KLB: variants seen among roughly 807,000 people sequenced by gnomAD.
The protein encoded by KLB is klotho beta.
Under a neutral mutation model 88.4 loss-of-function variants are expected in KLB, and 44 were observed. The ratio of observed to expected loss-of-function variants is 0.50; its 90% CI spans 0.39 to 0.64. The LOEUF (loss-of-function observed/expected upper bound fraction) is 0.64. KLB is among the 30% of genes least tolerant of loss of function. KLB has a pLI of 0.00. For missense variants in KLB, 1,137 were observed against 1,304.8 expected (o/e 0.87, Z 1.98); for synonymous variants, 548 against 513.4 (o/e 1.07, Z -0.91).
chr4:39,422,220 A>T (rs1170329349), intron 1 of KLB, among the ~76,000 whole-genome samples: 1 of 152,212 alleles, frequency 6.6e-6, no homozygotes, highest in African/African-American at 2.4e-5. Flanking sequence ...AATGACAGTG[A>T]ACTAGGAAGG....
At chr4:39,422,941 AT>A (rs1400386069) in intron 1 of KLB, among the ~76,000 whole-genome samples, 1 of 151,678 alleles carries the variant, frequency 6.6e-6, no homozygotes, top group African/African-American at 2.4e-5. Context: ...TAATTTTTGT[AT>A]TCTTAGTAGA....
chr4:39,426,056 T>G (rs973977644), intron 1 of KLB, among the ~76,000 whole-genome samples: 1 of 151,928 alleles, frequency 6.6e-6, no homozygotes, highest in Admixed American at 6.6e-5. Flanking sequence ...ATTGAGACCA[T>G]CCTGGCTAAC....
intron 4 of KLB, 143 bp downstream of exon 4, chr4:39,447,618 A>T (rs1743787243): frequency 3.1e-6 from 2 of 654,820 alleles, no homozygotes; most frequent in East Asian, 6.2e-5. Context: ...TGTCCTGAAA[A>T]CTGGCCTATG....
chr4:39,447,657 AAAGT>A (rs1743788516), intron 4 of KLB, among the ~76,000 whole-genome samples, 182 bp downstream of exon 4: 1 of 152,228 alleles, frequency 6.6e-6, no homozygotes, highest in Non-Finnish European at 1.5e-5. Context: ...TAAAATCATA[AAAGT>A]AACACACACC....
rs746178990 is a variant in KLB at position 39,448,606 on chromosome 4, A to T, written c.3055A>T (p.Arg1019Trp). 1 of 1,614,110 alleles carries T rather than the reference A, an allele frequency of 6.2e-7. No homozygotes were observed. Among genetic ancestry groups the T allele is most frequent in the East Asian group, 2.2e-5 (1 of 44,880 alleles). Residue 1019 changes from arginine to tryptophan, a missense_variant, in exon 5 of 5, where the codon AGG becomes TGG. Arg to Trp is a moderately radical substitution (Grantham distance 101, BLOSUM62 -3). Around this residue, in one of 4 missense-constraint regions of KLB, gnomAD observed 426 missense variants for 404.6 expected, o/e 1.05. Transcript: ENST00000257408. Reference sequence around the variant, plus strand: ...ACTCTTATCAATTGCCATTTTTCAAAGGCAGAAGAGAAGAAAGTTTTGGAA... The same window carrying T: ...ACTCTTATCAATTGCCATTTTTCAATGGCAGAAGAGAAGAAAGTTTTGGAA... ...VLLLSIAIFQ[R>W]QKRRKFWKAK...
Position 39,447,226 on chromosome 4 carries a change from GAGC to G in KLB, c.2504_2506del (p.Gln835del). 2 of 1,614,072 alleles carry G rather than the reference GAGC, an allele frequency of 1.2e-6. No homozygotes were observed. The highest frequency in any genetic ancestry group is 1.7e-6 in the Non-Finnish European group (2 of 1,180,046). Reference sequence around the variant, plus strand: ...CTTCACCACTAGGTTCGTGATGCACGAGCAGCTGGCCGGCAGCCGCTACGACTC... The same window carrying G: ...CTTCACCACTAGGTTCGTGATGCACGAGCTGGCCGGCAGCCGCTACGACTC... On this transcript the variant is annotated inframe_deletion, in exon 4 of 5. Transcript: ENST00000257408.
rs1407429954 is a variant in KLB at position 39,448,651 on chromosome 4, A to T, written c.3100A>T (p.Ile1034Leu). ...KFWKAKNLQH[I>L]PLKKGKRVVS Reference sequence around the variant, plus strand: ...TTGGAAAGCAAAAAACTTACAACACATACCATTAAAGAAAGGCAAGAGAGT... The same window carrying T: ...TTGGAAAGCAAAAAACTTACAACACTTACCATTAAAGAAAGGCAAGAGAGT... The change falls in exon 5 of 5, where the codon ATA (isoleucine) becomes TTA (leucine). Residue 1034 changes from isoleucine to leucine, a missense_variant. By Grantham distance (5) the Ile-to-Leu change is conservative. Coordinates refer to ENST00000257408, the MANE Select transcript of KLB (RefSeq NM_175737.4). The T allele has an allele frequency of 6.2e-7, 1 of 1,612,484 alleles. No individual in the cohort carries two copies. The highest frequency in any genetic ancestry group is 8.5e-7 in the Non-Finnish European group (1 of 1,179,942).
In KLB at chr4:39,437,896, C is replaced by T. The variant is rs1350211557; in HGVS notation, c.1506C>T (p.Ile502=). ...CTTCAGCACACTACTACAAACAGATCATACGAGAAAATGGTTTTTCTTTAA... is the reference window on the plus strand; with the variant it reads ...CTTCAGCACACTACTACAAACAGATTATACGAGAAAATGGTTTTTCTTTAA... The part of the protein sequence containing the change: ...PKSSAHYYKQ[I]IRENGFSLKE... Residue 502 remains isoleucine (I), a synonymous_variant, in exon 3 of 5, where the codon ATC becomes ATT. Coordinates refer to ENST00000257408, the MANE Select transcript of KLB (RefSeq NM_175737.4). The T allele has an allele frequency of 1.2e-6, 2 of 1,614,172 alleles. No individual in the cohort carries two copies. Among genetic ancestry groups the T allele is most frequent in the South Asian group, 1.1e-5 (1 of 91,074 alleles).
At chr4:39,448,038 T>C (rs1304638562) in intron 4 of KLB, among the ~76,000 whole-genome samples, 1 of 152,224 alleles carries the variant, frequency 6.6e-6, no homozygotes, top group Non-Finnish European at 1.5e-5. Context: ...GCTCTGCTCC[T>C]TAAATTTGCT....
chr4:39,442,613 T>G (rs1244654707), intron 3 of KLB, among the ~76,000 whole-genome samples: 2 of 152,140 alleles, frequency 1.3e-5, no homozygotes, highest in Non-Finnish European at 2.9e-5. Flanking sequence ...TTTTGTATTT[T>G]TAGTAGAGAC....
chr4:39,443,376 C>A (rs1170626749), intron 3 of KLB, among the ~76,000 whole-genome samples: 2 of 150,972 alleles, frequency 1.3e-5, no homozygotes, highest in African/African-American at 4.9e-5. Context: ...CTCCCTACTC[C>A]CCCCAAAAAA....
At chr4:39,436,476 C>A (rs893895261) in intron 2 of KLB, among the ~76,000 whole-genome samples, 1 of 152,154 alleles carries the variant, frequency 6.6e-6, no homozygotes, top group African/African-American at 2.4e-5. Context: ...CCTTAGGACC[C>A]TACAACAGCT....
At chr4:39,427,397 C>T (rs564687133) in intron 1 of KLB, among the ~76,000 whole-genome samples, 1 of 150,046 alleles carries the variant, frequency 6.7e-6, no homozygotes, top group South Asian at 2.1e-4. Flanking sequence ...GCAGAAGAAT[C>T]ACTTTAACCC....
chr4:39,435,139 A>T lies in KLB; in HGVS notation c.1336+419A>T, dbSNP rs145202132. Among the ~76,000 whole-genome samples, 560 of 149,612 alleles carry T rather than the reference A, an allele frequency of 3.7e-3. 2 individuals are homozygous for T. Among genetic ancestry groups the T allele is most frequent in the Non-Finnish European group, 6.2e-3 (418 of 67,554 alleles). Reference sequence around the variant, plus strand: ...TTGTATTGTCCAATATTTTTTTTTTAAATGGAGCCACTCTGTGGCCCAGGC... The same window carrying T: ...TTGTATTGTCCAATATTTTTTTTTTTAATGGAGCCACTCTGTGGCCCAGGC... On this transcript the variant is annotated intron_variant, in intron 2 of 4. Coordinates refer to ENST00000257408, the MANE Select transcript of KLB (RefSeq NM_175737.4).
At chr4:39,421,874 A>G (rs1743093927) in intron 1 of KLB, among the ~76,000 whole-genome samples, 1 of 152,130 alleles carries the variant, frequency 6.6e-6, no homozygotes. Context: ...CCTCCCAAGT[A>G]GCTGGGATAA....
Position 39,407,424 on chromosome 4 carries a change from T to C in KLB, c.475T>C (p.Phe159Leu). 1 of 1,614,158 alleles carries C rather than the reference T, an allele frequency of 6.2e-7. No individual in the cohort carries two copies. The part of the protein sequence containing the change: ...YQFSISWPRL[F>L]PDGIVTVANA... ...ATTTTCAATTTCCTGGCCAAGGCTT[T>C]TCCCCGATGGAATAGTAACAGTTGC... The change falls in exon 1 of 5, where the codon TTC (phenylalanine) becomes CTC (leucine). Residue 159 changes from phenylalanine (F) to leucine (L), a missense_variant. Physicochemically the swap from Phe to Leu is conservative, Grantham distance 22. This residue lies in a region of KLB where 597 missense variants were observed against 765.2 expected (regional missense o/e 0.78). Coordinates refer to ENST00000257408, the MANE Select transcript of KLB (RefSeq NM_175737.4).
chr4:39,419,831 C>T (rs557186163), intron 1 of KLB, among the ~76,000 whole-genome samples: 1 of 146,282 alleles, frequency 6.8e-6, no homozygotes, highest in Non-Finnish European at 1.5e-5. Flanking sequence ...ATAGTCCCAG[C>T]TGCTTAGGGG....
At chr4:39,424,727 G>A (rs1351196823) in intron 1 of KLB, among the ~76,000 whole-genome samples, 1 of 138,670 alleles carries the variant, frequency 7.2e-6, no homozygotes, top group East Asian at 2.2e-4. Context: ...TGCATCCCGG[G>A]TTCAAGCGAT....
chr4:39,442,722 T>C (rs1743639262), intron 3 of KLB, among the ~76,000 whole-genome samples: 1 of 152,158 alleles, frequency 6.6e-6, no homozygotes, highest in Non-Finnish European at 1.5e-5. Flanking sequence ...CGTGAACCAC[T>C]GCACCCGGCC....
Sources: gnomAD v4.1 joint callset for allele counts (sites outside exome capture counted in the v4.1 genomes callset) on GRCh38, gnomAD v4.1.1 for gene constraint, gnomAD v4.1.1 regional missense constraint, MANE v1.5 for transcripts, NCBI Gene and HGNC (gene_info 2026-07-23, HGNC 2026-07-21) for gene names.